The following B4GALT1 variants were observed in gnomAD, a reference collection of about 807,000 sequenced individuals.
B4GALT1 encodes N-acetyllactosamine synthase.
In B4GALT1, 16 loss-of-function variants were observed where a neutral mutation model predicts 34.9. The ratio of observed to expected loss-of-function variants is 0.46; its 90% confidence interval spans 0.31 to 0.70. The LOEUF is 0.70. B4GALT1 is among the 30% of genes least tolerant of loss of function. The probability of loss-of-function intolerance (pLI) is 0.05; values close to 1 mark genes in which losing one functional copy is unlikely to be tolerated. For missense variants in B4GALT1, 445 were observed against 530.5 expected (o/e 0.84, Z 1.58); for synonymous variants, 221 against 218.1 (o/e 1.01, Z -0.12).
intron 2 of B4GALT1, among the ~76,000 whole-genome samples, chr9:33,122,968 A>AC (rs1840042894): frequency 6.6e-6 from 1 of 152,020 alleles, no homozygotes; most frequent in Non-Finnish European, 1.5e-5. Flanking sequence ...ACATGGTGAA[A>AC]CCCCATCTCT....
intron 1 of B4GALT1, among the ~76,000 whole-genome samples, chr9:33,141,712 G>A (rs1840352624): frequency 6.6e-6 from 1 of 152,192 alleles, no homozygotes; most frequent in South Asian, 2.1e-4. Flanking sequence ...GTTCTCTTGG[G>A]AGGATTCATC....
intron 2 of B4GALT1, among the ~76,000 whole-genome samples, chr9:33,129,284 T>C (rs745320858): frequency 2.0e-4 from 31 of 152,162 alleles, no homozygotes; most frequent in Non-Finnish European, 2.9e-4. Flanking sequence ...ATCACAAGGC[T>C]AAGGTATTAA....
intron 3 of B4GALT1, among the ~76,000 whole-genome samples, chr9:33,116,626 A>C (rs1316463074): frequency 2.1e-5 from 3 of 145,964 alleles, no homozygotes; most frequent in Non-Finnish European, 3.0e-5. Flanking sequence ...GTTTTCAAGT[A>C]ATTCTCCTGT....
chr9:33,133,924 C>T (rs1281296104), intron 2 of B4GALT1, among the ~76,000 whole-genome samples: 1 of 152,220 alleles, frequency 6.6e-6, no homozygotes, highest in African/African-American at 2.4e-5. Context: ...CTGAGAAGCC[C>T]ATCTCCCTGC....
the B4GALT1 span, among the ~76,000 whole-genome samples, chr9:33,181,162 G>A: frequency 2.0e-5 from 3 of 152,192 alleles, no homozygotes; most frequent in Admixed American, 6.6e-5. Context: ...GCTCACGCCT[G>A]TAATCTCAGC....
In B4GALT1 at chr9:33,166,955, T is replaced by C. The variant is rs1587755713; in HGVS notation, c.215A>G (p.Gln72Arg). The change falls in exon 1 of 6, where the codon CAG becomes CGG. Residue 72 changes from glutamine (Q) to arginine (R), a missense_variant. Physicochemically the swap from Gln to Arg is conservative, Grantham distance 43. This residue lies in a region of B4GALT1 where 349 missense variants were observed against 395.5 expected (regional missense o/e 0.88). Coordinates refer to ENST00000379731, the MANE Select transcript of B4GALT1 (RefSeq NM_001497.4). Reference protein sequence around the residue: ...GGSNSAAAIGQSSGELRTGGA... With the variant: ...GGSNSAAAIGRSSGELRTGGA... ...TCCGGTCCGGAGCTCCCCGGAGGACTGCCCGATGGCGGCGGCACTGTTCGA... is the reference window on the plus strand; with the variant it reads ...TCCGGTCCGGAGCTCCCCGGAGGACCGCCCGATGGCGGCGGCACTGTTCGA... 2.5e-6 allele frequency: 4 copies of C among 1,577,440 alleles called. No individual in the cohort carries two copies. The highest frequency in any genetic ancestry group is 1.3e-5 in the African/African-American group (1 of 74,728).
chr9:33,119,081 C>T (rs984779155), intron 3 of B4GALT1, among the ~76,000 whole-genome samples: 2 of 152,188 alleles, frequency 1.3e-5, no homozygotes, highest in East Asian at 1.9e-4. Context: ...AGGCTGGTCT[C>T]GAACTCCTGA....
At chr9:33,167,459 A>T (rs1429083297), upstream of B4GALT1, 5 of 138,020 alleles carry the variant, frequency 3.6e-5, no homozygotes, top group Non-Finnish European at 6.2e-5. Context: ...CCGTGGCGGG[A>T]TGGGCGCGCT....
intron 1 of B4GALT1, 96 bp from the exon 2 acceptor site, chr9:33,135,520 GAGGAAATGTCTCCT>G: frequency 7.9e-7 from 1 of 1,270,954 alleles, no homozygotes; most frequent in Non-Finnish European, 1.1e-6. Context: ...TGCAGCTGCA[GAGGAAATGTCTCCT>G]CCTGGGAGGC....
At chr9:33,104,908 C>T in intron 2 of B4GALT1, 1 of 369,526 alleles carries the variant, frequency 2.7e-6, no homozygotes, top group Non-Finnish European at 5.3e-6. Flanking sequence ...CAACTTCCAC[C>T]TCTTGGGTTC....
At chr9:33,117,093 G>A (rs1839951689) in intron 3 of B4GALT1, among the ~76,000 whole-genome samples, 1 of 152,028 alleles carries the variant, frequency 6.6e-6, no homozygotes, top group African/African-American at 2.4e-5. Flanking sequence ...CCTTATCCAG[G>A]AACTCCTGGA....
the B4GALT1 span, chr9:33,174,186 G>A: frequency 1.3e-5 from 2 of 152,730 alleles, no homozygotes; most frequent in African/African-American, 4.8e-5. Context: ...CTTTTCTTGG[G>A]GTTGCACTAC....
chr9:33,109,386 A>G (rs149429921), downstream of B4GALT1, among the ~76,000 whole-genome samples: 2 of 152,326 alleles, frequency 1.3e-5, no homozygotes, highest in Non-Finnish European at 2.9e-5. Flanking sequence ...ATCCTTTCTA[A>G]TATCACTTAT....
chr9:33,167,760 C>T (rs1381913608), upstream of B4GALT1, among the ~76,000 whole-genome samples: 6 of 152,212 alleles, frequency 3.9e-5, no homozygotes, highest in Non-Finnish European at 7.3e-5. Flanking sequence ...GGTTTGGGGC[C>T]GCGGCGGCGT....
the B4GALT1 span, among the ~76,000 whole-genome samples, chr9:33,174,989 A>C: frequency 2.9e-5 from 1 of 34,014 alleles, no homozygotes; most frequent in African/African-American, 9.6e-5. Flanking sequence ...AAAAAAAAAA[A>C]AATATATATA....
chr9:33,119,986 C>T (rs1839996451), intron 3 of B4GALT1, among the ~76,000 whole-genome samples: 1 of 152,062 alleles, frequency 6.6e-6, no homozygotes, highest in Admixed American at 6.6e-5. Flanking sequence ...GAGTTCGAGA[C>T]CAGACTGGGC....
At chr9:33,120,291 C>T in intron 3 of B4GALT1, 128 bp downstream of exon 3, 1 of 1,022,690 alleles carries the variant, frequency 9.8e-7, no homozygotes, top group Non-Finnish European at 1.5e-6. Context: ...ATACAAAGCA[C>T]CCATTTCTCA....
intron 1 of B4GALT1, among the ~76,000 whole-genome samples, chr9:33,140,599 G>A (rs540689619): frequency 2.9e-4 from 44 of 152,334 alleles, no homozygotes; most frequent in African/African-American, 1.0e-3. Context: ...TTGGGAACAC[G>A]TGGAACTAGG....
chr9:33,157,717 TAAAA>T (rs34243341), intron 1 of B4GALT1, among the ~76,000 whole-genome samples: 1 of 145,658 alleles, frequency 6.9e-6, no homozygotes. Context: ...TATTTTCAAC[TAAAA>T]AAAAAAAAGG....
Sources: gnomAD v4.1 joint callset for allele counts (sites outside exome capture counted in the v4.1 genomes callset) on GRCh38, gnomAD v4.1.1 for gene constraint, gnomAD v4.1.1 regional missense constraint, MANE v1.5 for transcripts, NCBI Gene and HGNC (gene_info 2026-07-23, HGNC 2026-07-21) for gene names.